GADL1: variants seen among roughly 807,000 people sequenced by gnomAD.
The protein encoded by GADL1 is acidic amino acid decarboxylase GADL1.
GADL1 carries 71 observed loss-of-function variants against 69.5 expected under a neutral mutation model. The ratio of observed to expected loss-of-function variants is 1.02; its 90% CI spans 0.84 to 1.25. The LOEUF is 1.25. Ranked by LOEUF, GADL1 falls within the 50% of genes most tolerant of loss-of-function variation. GADL1 has a pLI of 0.00. For synonymous variants in GADL1, 254 were observed against 214.4 expected (o/e 1.18, Z -1.62); for missense variants, 737 against 631.8 (o/e 1.17, Z -1.79).
intron 14 of GADL1, among the ~76,000 whole-genome samples, chr3:30,764,651 G>C (rs1301450482): frequency 6.6e-6 from 1 of 152,136 alleles, no homozygotes; most frequent in African/African-American, 2.4e-5. Flanking sequence ...GTTTGAGTAG[G>C]CAAGTTCCCA....
chr3:30,830,319 C>A (rs1310327850), intron 11 of GADL1, among the ~76,000 whole-genome samples: 3 of 151,818 alleles, frequency 2.0e-5, no homozygotes, highest in Non-Finnish European at 4.4e-5. Flanking sequence ...TTTCCCTGGG[C>A]CTTTGGATCT....
intron 12 of GADL1, among the ~76,000 whole-genome samples, chr3:30,795,778 C>T (rs192680349): frequency 3.3e-4 from 50 of 152,204 alleles, no homozygotes; most frequent in Non-Finnish European, 6.0e-4. Context: ...AAGTACTCTG[C>T]CCTTTTCCTT....
At chr3:30,737,594 C>A (rs749159820) in intron 14 of GADL1, among the ~76,000 whole-genome samples, 1 of 152,108 alleles carries the variant, frequency 6.6e-6, no homozygotes, top group Non-Finnish European at 1.5e-5. Context: ...CCTCCCCAAT[C>A]CATAATTTAG....
chr3:30,730,181 CT>C (rs1686699104), intron 14 of GADL1, among the ~76,000 whole-genome samples: 1 of 152,150 alleles, frequency 6.6e-6, no homozygotes, highest in Non-Finnish European at 1.5e-5. Context: ...CTCTACTATG[CT>C]TATACATATC....
chr3:30,890,888 T>G (rs1698776398), intron 1 of GADL1, among the ~76,000 whole-genome samples: 1 of 152,216 alleles, frequency 6.6e-6, no homozygotes, highest in Admixed American at 6.5e-5. Flanking sequence ...TTGTGCATAT[T>G]ATTCCTAATC....
chr3:30,844,310 C>G, intron 7 of GADL1, 46 bp from the exon 8 acceptor site: 3 of 1,578,736 alleles, frequency 1.9e-6, no homozygotes, highest in Non-Finnish European at 2.6e-6. Context: ...TAGTAATTAA[C>G]AGATAATGAT....
At chr3:30,817,102 T>C (rs1697490189) in intron 11 of GADL1, among the ~76,000 whole-genome samples, 1 of 152,112 alleles carries the variant, frequency 6.6e-6, no homozygotes, top group Admixed American at 6.6e-5. Flanking sequence ...CCCATTACAA[T>C]GATGAGAGAC....
chr3:30,880,367 GTC>G (rs2125544495), intron 1 of GADL1, among the ~76,000 whole-genome samples: 1 of 151,940 alleles, frequency 6.6e-6, no homozygotes, highest in South Asian at 2.1e-4. Context: ...ATCCCCATGT[GTC>G]ATGGGAGGCA....
At chr3:30,751,434 A>G (rs1389811924) in intron 14 of GADL1, among the ~76,000 whole-genome samples, 2 of 148,978 alleles carry the variant, frequency 1.3e-5, no homozygotes, top group South Asian at 2.2e-4. Flanking sequence ...TTTGTCTTTC[A>G]TTGCTTCTTT....
chr3:30,748,721 A>T (rs2125476317), intron 14 of GADL1, among the ~76,000 whole-genome samples: 1 of 152,366 alleles, frequency 6.6e-6, no homozygotes, highest in African/African-American at 2.4e-5. Flanking sequence ...AAAACATTCA[A>T]TAAATATAAT....
intron 14 of GADL1, 105 bp from the exon 15 acceptor site, chr3:30,728,520 G>A (rs535191569): frequency 4.3e-5 from 35 of 806,774 alleles, no homozygotes; most frequent in Non-Finnish European, 6.8e-5. Context: ...CACTGGTTTG[G>A]ATCCCATTCT....
intron 6 of GADL1, among the ~76,000 whole-genome samples, chr3:30,846,567 CTG>C (rs1698061634): frequency 6.6e-6 from 1 of 151,598 alleles, no homozygotes. Flanking sequence ...TAAATGTACA[CTG>C]TGCCCTGGAC....
At chr3:30,879,367 G>A (rs1053746216) in intron 1 of GADL1, among the ~76,000 whole-genome samples, 3 of 151,854 alleles carry the variant, frequency 2.0e-5, no homozygotes, top group Non-Finnish European at 2.9e-5. Flanking sequence ...AGGACCAAGG[G>A]TACTCAATTA....
intron 11 of GADL1, among the ~76,000 whole-genome samples, chr3:30,815,543 C>G (rs1246045914): frequency 6.6e-6 from 1 of 152,118 alleles, no homozygotes; most frequent in Non-Finnish European, 1.5e-5. Context: ...TACAGAATTT[C>G]TGTACAACCT....
chr3:30,749,803 G>A (rs1418028067), intron 14 of GADL1, among the ~76,000 whole-genome samples: 1 of 152,110 alleles, frequency 6.6e-6, no homozygotes, highest in African/African-American at 2.4e-5. Context: ...ACTCTACTGA[G>A]GATAATTAGA....
chr3:30,800,658 T>C lies in GADL1; in HGVS notation c.1250+231A>G, dbSNP rs1387203997. On this transcript the variant is annotated intron_variant, in intron 12 of 14. Transcript: ENST00000282538. The stretch of plus-strand genomic sequence containing the variant: ...AGTAGGCTAGGATCTTGGAGGGAGG[T>C]GATAGGACTGCTCTGTTCATAATTC... 5 of 531,682 alleles carry C rather than the reference T, an allele frequency of 9.4e-6. No individual in the cohort carries two copies. In the East Asian group the frequency reaches 1.6e-4, roughly 18 times the overall value. 32.9% of individuals were successfully genotyped at this position (531,682 alleles called of 1,614,324 possible).
chr3:30,782,860 A>G (rs900879512), intron 13 of GADL1, among the ~76,000 whole-genome samples: 1 of 152,234 alleles, frequency 6.6e-6, no homozygotes, highest in Non-Finnish European at 1.5e-5. Flanking sequence ...ATACAATGCT[A>G]CAGAATTTCA....
chr3:30,840,768 CG>C (rs1455488640), intron 8 of GADL1, among the ~76,000 whole-genome samples: 3 of 152,156 alleles, frequency 2.0e-5, no homozygotes, highest in African/African-American at 7.2e-5. Context: ...TAAACTTTTG[CG>C]ATCTGGATTT....
chr3:30,830,366 G>A (rs868044967), intron 11 of GADL1, among the ~76,000 whole-genome samples: 4 of 151,934 alleles, frequency 2.6e-5, no homozygotes, highest in Non-Finnish European at 5.9e-5. Context: ...AAAAATTTTG[G>A]TTAAATAAGT....
Sources: gnomAD v4.1 joint callset for allele counts (sites outside exome capture counted in the v4.1 genomes callset) on GRCh38, gnomAD v4.1.1 for gene constraint, MANE v1.5 for transcripts, NCBI Gene and HGNC (gene_info 2026-07-23, HGNC 2026-07-21) for gene names.